CCDC91: variants seen among roughly 807,000 people sequenced by gnomAD.
CCDC91 encodes the protein coiled-coil domain containing 91, also known as coiled-coil domain-containing protein 91.
In CCDC91, 48 loss-of-function variants were observed where a neutral mutation model predicts 63.2. The observed-to-expected ratio is 0.76, with a 90% CI of 0.60 to 0.97. The LOEUF (loss-of-function observed/expected upper bound fraction) is 0.97. CCDC91 is among the 50% of genes least tolerant of loss of function. The pLI is 0.00. For missense variants in CCDC91, 500 were observed against 494.6 expected, an observed-to-expected ratio of 1.01 and a Z score of -0.10; for synonymous variants, 167 against 165.8, an observed-to-expected ratio of 1.01 and a Z score of -0.06.
chr12:28,523,541 G>T (rs1940953305), intron 12 of CCDC91, among the ~76,000 whole-genome samples: 1 of 152,124 alleles, frequency 6.6e-6, no homozygotes, highest in South Asian at 2.1e-4. Context: ...TTGCCAGTCT[G>T]TGTCTTTTAA....
chr12:28,476,910 A>G (rs1951129697), intron 11 of CCDC91, among the ~76,000 whole-genome samples: 1 of 152,206 alleles, frequency 6.6e-6, no homozygotes, highest in Admixed American at 6.5e-5. Context: ...CCCTCACAAG[A>G]CTAAACCAGG....
chr12:28,549,218 C>A lies in CCDC91; in HGVS notation c.*45C>A. 2.9e-6 allele frequency: 3 copies of A among 1,024,748 alleles called. No homozygotes were observed. The highest frequency in any genetic ancestry group is 1.6e-5 in the African/African-American group (1 of 63,116). 63.5% of individuals were successfully genotyped at this position (1,024,748 alleles called of 1,614,324 possible). On this transcript the variant is annotated 3_prime_UTR_variant, in exon 13 of 13. Transcript: ENST00000536442. Reference sequence around the variant, plus strand: ...CACTGGCATTGGATAAATCATATTACACCTTCAAAATACACACTCTGAATT... The same window carrying A: ...CACTGGCATTGGATAAATCATATTAAACCTTCAAAATACACACTCTGAATT...
intron 11 of CCDC91, among the ~76,000 whole-genome samples, chr12:28,463,345 C>T (rs934275755): frequency 2.0e-5 from 3 of 152,082 alleles, no homozygotes; most frequent in African/African-American, 4.8e-5. Context: ...ACATTGAAGT[C>T]AAAGAGACAA....
At chr12:28,378,216 T>C (rs1471423495) in intron 7 of CCDC91, among the ~76,000 whole-genome samples, 1 of 152,048 alleles carries the variant, frequency 6.6e-6, no homozygotes, top group Non-Finnish European at 1.5e-5. Context: ...AGAGTTTTGG[T>C]CTTTTGTGCA....
intron 7 of CCDC91, among the ~76,000 whole-genome samples, chr12:28,377,119 A>AT (rs879621980): frequency 2.1e-3 from 287 of 134,020 alleles, no homozygotes; most frequent in South Asian, 9.5e-3. Flanking sequence ...TCTTCCCCCT[A>AT]TTTTTTTTTT....
chr12:28,445,703 A>G (rs1280073743), intron 8 of CCDC91, among the ~76,000 whole-genome samples: 1 of 152,222 alleles, frequency 6.6e-6, no homozygotes, highest in Non-Finnish European at 1.5e-5. Context: ...ATTTATATTT[A>G]CAGTTCTGGA....
At chr12:28,287,175 ATACT>A (rs1565736085) in intron 3 of CCDC91, among the ~76,000 whole-genome samples, 1 of 151,828 alleles carries the variant, frequency 6.6e-6, no homozygotes, top group Non-Finnish European at 1.5e-5. Flanking sequence ...TACTGTATTA[ATACT>A]TTCTTTTGCT....
intron 8 of CCDC91, among the ~76,000 whole-genome samples, chr12:28,421,750 C>T (rs1948027675): frequency 1.3e-5 from 2 of 151,956 alleles, no homozygotes. Flanking sequence ...CTGCCTGTTT[C>T]CCTTAAGGAT....
intron 10 of CCDC91, among the ~76,000 whole-genome samples, chr12:28,450,784 G>A (rs987137217): frequency 6.6e-6 from 1 of 151,662 alleles, no homozygotes; most frequent in African/African-American, 2.4e-5. Flanking sequence ...TCTAAATCAT[G>A]TATTCATAGA....
intron 3 of CCDC91, among the ~76,000 whole-genome samples, chr12:28,294,916 C>T (rs1247467515): frequency 6.6e-6 from 1 of 152,058 alleles, no homozygotes; most frequent in Admixed American, 6.6e-5. Flanking sequence ...TACTCAGTCT[C>T]AGGTAGTATC....
intron 12 of CCDC91, among the ~76,000 whole-genome samples, chr12:28,523,014 T>A (rs549516612): frequency 1.3e-5 from 2 of 152,318 alleles, no homozygotes; most frequent in African/African-American, 4.8e-5. Flanking sequence ...AGTTTTTGAA[T>A]AAGTGTGATG....
chr12:28,307,882 CATGGGCTAAATTA>C, intron 6 of CCDC91, 133 bp downstream of exon 6: 1 of 595,642 alleles, frequency 1.7e-6, no homozygotes, highest in East Asian at 3.3e-5. Flanking sequence ...AACTGACCAA[CATGGGCTAAATTA>C]ATGGGAAGAC....
intron 11 of CCDC91, among the ~76,000 whole-genome samples, chr12:28,467,932 G>A (rs977984024): frequency 6.6e-6 from 1 of 151,944 alleles, no homozygotes; most frequent in African/African-American, 2.4e-5. Flanking sequence ...CAAAACCTAT[G>A]TGATACAGCA....
At chr12:28,433,675 A>G (rs995728488) in intron 8 of CCDC91, among the ~76,000 whole-genome samples, 1 of 151,832 alleles carries the variant, frequency 6.6e-6, no homozygotes, top group African/African-American at 2.4e-5. Flanking sequence ...TCAGTATTGT[A>G]TTGGCTATTC....
Position 28,347,621 on chromosome 12 carries a change from G to A in CCDC91, c.577-14817G>A, listed in dbSNP as rs377504448. Among the ~76,000 whole-genome samples, 19 of 152,280 alleles carry A rather than the reference G, an allele frequency of 1.2e-4. No homozygotes were observed. In the East Asian group the frequency reaches 3.7e-3, roughly 29 times the overall value. On this transcript the variant is annotated intron_variant, in intron 6 of 12. Coordinates refer to ENST00000536442, the MANE Select transcript of CCDC91 (RefSeq NM_018318.5). ...AATTTTGCTAGATGGGGGTGAAGAT[G>A]TAACCCACCCCCATCAGGCCCTTTA...
chr12:28,409,338 A>G (rs540986977), intron 8 of CCDC91, among the ~76,000 whole-genome samples: 13 of 152,212 alleles, frequency 8.5e-5, no homozygotes, highest in African/African-American at 3.1e-4. Flanking sequence ...TGTGTTAAGT[A>G]TAAGTGTGTG....
At chr12:28,348,640 C>G (rs1001769380) in intron 6 of CCDC91, among the ~76,000 whole-genome samples, 1 of 152,096 alleles carries the variant, frequency 6.6e-6, no homozygotes, top group Non-Finnish European at 1.5e-5. Context: ...TTTGGTTGCT[C>G]GATCTACTGA....
chr12:28,405,777 G>C (rs770568347), intron 8 of CCDC91, among the ~76,000 whole-genome samples: 1 of 152,104 alleles, frequency 6.6e-6, no homozygotes, highest in African/African-American at 2.4e-5. Flanking sequence ...GAAAAGCCAA[G>C]GTTTGTGACT....
In CCDC91 at chr12:28,413,113, C is replaced by T. The variant is rs76130663; in HGVS notation, c.762+21702C>T. ...ATTGTTTTCTCATTTCTCCAAAAAT[C>T]GACTGTTCTTTGTTAAAGATACTAT... On this transcript the variant is annotated intron_variant, in intron 8 of 12. Coordinates refer to ENST00000536442, the MANE Select transcript of CCDC91 (RefSeq NM_018318.5). Among the ~76,000 whole-genome samples, 129 of 152,246 alleles carry T rather than the reference C, an allele frequency of 8.5e-4. 2 individuals are homozygous for T. The East Asian group carries it at 0.02, about 24-fold the overall frequency.
Sources: gnomAD v4.1 joint callset for allele counts (sites outside exome capture counted in the v4.1 genomes callset) on GRCh38, gnomAD v4.1.1 for gene constraint, MANE v1.5 for transcripts, NCBI Gene and HGNC (gene_info 2026-07-23, HGNC 2026-07-21) for gene names.